CPQ: variants seen among roughly 807,000 people sequenced by gnomAD.
CPQ encodes Ser-Met dipeptidase.
In CPQ, 37 loss-of-function variants were observed where a neutral mutation model predicts 45.7. The observed-to-expected ratio is 0.81, with a 90% CI of 0.62 to 1.07. The LOEUF is 1.07. CPQ is among the 50% of genes least tolerant of loss of function. The pLI is 0.00. For synonymous variants in CPQ, 186 were observed against 205.8 expected (o/e 0.90, Z 0.82); for missense variants, 537 against 572.9 (o/e 0.94, Z 0.64).
chr8:97,107,564 T>C (rs1276030496), intron 7 of CPQ, among the ~76,000 whole-genome samples: 1 of 151,284 alleles, frequency 6.6e-6, no homozygotes, highest in Non-Finnish European at 1.5e-5. Flanking sequence ...GAACACCCTG[T>C]AAGGGGCTAA....
At chr8:96,970,421 A>C (rs1037281052) in intron 5 of CPQ, among the ~76,000 whole-genome samples, 14 of 152,232 alleles carry the variant, frequency 9.2e-5, no homozygotes, top group Admixed American at 5.2e-4. Context: ...TCCTGAAAAT[A>C]AACCCAAGCA....
At chr8:96,833,676 GT>G (rs1811488929) in intron 2 of CPQ, among the ~76,000 whole-genome samples, 1 of 152,134 alleles carries the variant, frequency 6.6e-6, no homozygotes, top group African/African-American at 2.4e-5. Flanking sequence ...GGTTTCCTTA[GT>G]TTCCATAATT....
At chr8:96,988,682 G>C (rs922992301) in intron 5 of CPQ, among the ~76,000 whole-genome samples, 6 of 152,138 alleles carry the variant, frequency 3.9e-5, no homozygotes, top group African/African-American at 7.2e-5. Context: ...GACTTCGGTC[G>C]TTCTGCTTCT....
At position 96,986,102 on chromosome 8, in the gene CPQ, C is replaced by T. The variant is rs567975541; in HGVS notation, c.961+20056C>T. On this transcript the variant is annotated intron_variant, in intron 5 of 7. Coordinates refer to ENST00000220763, the MANE Select transcript of CPQ (RefSeq NM_016134.4). ...ATTTAGCTACTGGCTGATCTAGAAA[C>T]TGCATCTACAGCCACTGCTCATTAC... Among the ~76,000 whole-genome samples, 82 of 152,320 alleles carry T rather than the reference C, an allele frequency of 5.4e-4. 1 individual carries two copies. In the South Asian group the frequency reaches 0.017, roughly 31 times the overall value.
At chr8:97,015,138 C>G (rs562742114) in intron 5 of CPQ, among the ~76,000 whole-genome samples, 2 of 152,166 alleles carry the variant, frequency 1.3e-5, no homozygotes, top group South Asian at 4.1e-4. Context: ...ACTTGATTTA[C>G]CATCATTTTC....
chr8:97,074,855 C>T (rs1351858730), intron 7 of CPQ, among the ~76,000 whole-genome samples: 1 of 151,912 alleles, frequency 6.6e-6, no homozygotes, highest in East Asian at 1.9e-4. Flanking sequence ...CCCTGTGGGG[C>T]CGGAAAGGAA....
intron 1 of CPQ, among the ~76,000 whole-genome samples, chr8:96,671,334 A>C (rs1044804681): frequency 3.3e-5 from 5 of 152,218 alleles, no homozygotes; most frequent in Non-Finnish European, 5.9e-5. Context: ...GTGTGTGTAA[A>C]GCATATGCAA....
chr8:96,890,164 A>G (rs1812354708), intron 4 of CPQ, among the ~76,000 whole-genome samples: 1 of 152,246 alleles, frequency 6.6e-6, no homozygotes. Flanking sequence ...AGTTAACAAT[A>G]CTTAAATACT....
chr8:97,054,252 T>C (rs1359005660), intron 6 of CPQ, among the ~76,000 whole-genome samples: 1 of 152,036 alleles, frequency 6.6e-6, no homozygotes, highest in African/African-American at 2.4e-5. Context: ...AGAATGGCCA[T>C]TATTAAAAAA....
rs148664552 is a variant in CPQ, at chr8:96,708,464, G to T, written c.-35+63062G>T. ...ATATATATATATATATATATACATTGTTTGTTGGGCCTATACCTATATTTC... is the reference window on the plus strand; with the variant it reads ...ATATATATATATATATATATACATTTTTTGTTGGGCCTATACCTATATTTC... On this transcript the variant is annotated intron_variant, in intron 1 of 7. Coordinates refer to ENST00000220763, the MANE Select transcript of CPQ (RefSeq NM_016134.4). Among the ~76,000 whole-genome samples, 302 of 150,464 alleles carry T rather than the reference G, an allele frequency of 2.0e-3. 11 individuals are homozygous for T. In the East Asian group the frequency reaches 0.051, roughly 25 times the overall value.
At chr8:96,916,147 G>A (rs142488224) in intron 4 of CPQ, among the ~76,000 whole-genome samples, 20 of 152,222 alleles carry the variant, frequency 1.3e-4, no homozygotes, top group Non-Finnish European at 2.1e-4. Context: ...TAGAGTATGC[G>A]AGTTGACGCA....
intron 4 of CPQ, among the ~76,000 whole-genome samples, chr8:96,943,656 A>G (rs1457899792): frequency 2.0e-5 from 3 of 152,168 alleles, no homozygotes; most frequent in Non-Finnish European, 4.4e-5. Flanking sequence ...TAGGAATCTG[A>G]AGAAACCTCC....
intron 7 of CPQ, among the ~76,000 whole-genome samples, chr8:97,074,997 C>T (rs1033830651): frequency 7.9e-5 from 12 of 152,172 alleles, no homozygotes; most frequent in African/African-American, 1.7e-4. Flanking sequence ...GATACCGGAA[C>T]GCTTTACAAG....
intron 1 of CPQ, among the ~76,000 whole-genome samples, chr8:96,722,258 G>C (rs1809774154): frequency 6.6e-6 from 1 of 152,114 alleles, no homozygotes; most frequent in African/African-American, 2.4e-5. Flanking sequence ...GATAACTCTT[G>C]TGGGTTCCTT....
At chr8:97,135,442 A>G (rs1265404001) in intron 7 of CPQ, among the ~76,000 whole-genome samples, 5 of 152,200 alleles carry the variant, frequency 3.3e-5, no homozygotes, top group Non-Finnish European at 4.4e-5. Flanking sequence ...CCCCTTGAAA[A>G]GAGAGATTAA....
chr8:97,015,083 C>T (rs574826238), intron 5 of CPQ, among the ~76,000 whole-genome samples: 15 of 152,130 alleles, frequency 9.9e-5, no homozygotes, highest in African/African-American at 3.6e-4. Context: ...TTTAAAAAAC[C>T]ATTTTGGTAA....
chr8:96,930,888 G>T (rs991616816), intron 4 of CPQ, among the ~76,000 whole-genome samples: 1 of 152,250 alleles, frequency 6.6e-6, no homozygotes, highest in Non-Finnish European at 1.5e-5. Context: ...ACATTTATGG[G>T]GCAAAGACAG....
intron 6 of CPQ, among the ~76,000 whole-genome samples, chr8:97,038,868 T>C (rs547452703): frequency 1.2e-3 from 179 of 147,480 alleles, no homozygotes; most frequent in African/African-American, 4.2e-3. Context: ...GCAGGTCAGA[T>C]AGTTTACTGA....
At chr8:96,673,355 G>A (rs1412284383) in intron 1 of CPQ, among the ~76,000 whole-genome samples, 4 of 152,100 alleles carry the variant, frequency 2.6e-5, no homozygotes, top group South Asian at 2.1e-4. Context: ...CATAAATGAG[G>A]TAGTGGGCCA....
Sources: allele counts gnomAD v4.1 joint callset (sites outside exome capture counted in the v4.1 genomes callset), GRCh38; gene constraint gnomAD v4.1.1; transcripts MANE v1.5; gene names NCBI Gene and HGNC (gene_info 2026-07-23, HGNC 2026-07-21).